PPARGC1B: variants seen among roughly 807,000 people sequenced by gnomAD.
The protein encoded by PPARGC1B is peroxisome proliferator-activated receptor gamma coactivator 1-beta.
In PPARGC1B, 34 loss-of-function variants were observed where a neutral mutation model predicts 101.6. The ratio of observed to expected loss-of-function variants is 0.33; its 90% CI spans 0.25 to 0.45. The LOEUF (loss-of-function observed/expected upper bound fraction) is 0.45, where lower values mean the gene tolerates loss of function less well. Ranked by LOEUF, PPARGC1B falls within the 20% of genes least tolerant of loss-of-function variation. The pLI, the probability that PPARGC1B is intolerant of heterozygous loss-of-function variation, is 1.00. For missense variants in PPARGC1B, 1,234 were observed against 1,317.6 expected (o/e 0.94, Z 0.98); for synonymous variants, 548 against 539.3 (o/e 1.02, Z -0.22).
chr5:149,826,287 C>T (rs990293043), intron 2 of PPARGC1B, among the ~76,000 whole-genome samples: 21 of 152,146 alleles, frequency 1.4e-4, no homozygotes, highest in African/African-American at 4.1e-4. Flanking sequence ...GGGGCTGTAA[C>T]GGGTTGCTGC....
intron 1 of PPARGC1B, among the ~76,000 whole-genome samples, chr5:149,818,524 T>A (rs1485088297): frequency 1.3e-5 from 2 of 152,156 alleles, no homozygotes; most frequent in African/African-American, 4.8e-5. Flanking sequence ...TCTTGCAAAA[T>A]GCCAATTAAG....
Position 149,834,604 on chromosome 5 carries a change from C to T in PPARGC1B, c.1706-70C>T, listed in dbSNP as rs12652075. 54,356 of 1,473,844 alleles carry T rather than the reference C, an allele frequency of 0.037. 1,472 individuals carry two copies. The highest frequency in any genetic ancestry group is 0.14 in the East Asian group (5,972 of 43,940). 91.3% of individuals were successfully genotyped at this position (1,473,844 alleles called of 1,614,324 possible). A position where few individuals can be genotyped will look rare whatever the true frequency, so the allele number is the denominator to read the frequency against. On this transcript the variant is annotated intron_variant, in intron 5 of 11. Coordinates refer to ENST00000309241, the MANE Select transcript of PPARGC1B (RefSeq NM_133263.4). ...TGGCACCAGTGGAGGCCTAGGGTCT[C>T]CTCCAGAGGGGAAACATCTGCTAGT... is the stretch of plus-strand genomic sequence containing the variant.
chr5:149,777,550 C>T (rs1966484), intron 1 of PPARGC1B, among the ~76,000 whole-genome samples: 36,039 of 151,956 alleles, frequency 0.24, 4,724 homozygotes, highest in Middle Eastern at 0.39. Flanking sequence ...CACCCTCCCA[C>T]GCAGGCAGGG....
chr5:149,818,296 C>G (rs1344817103), intron 1 of PPARGC1B, among the ~76,000 whole-genome samples: 2 of 152,116 alleles, frequency 1.3e-5, no homozygotes, highest in Admixed American at 1.3e-4. Flanking sequence ...TCATCCTTCC[C>G]CACCCACCAT....
intron 1 of PPARGC1B, among the ~76,000 whole-genome samples, chr5:149,806,433 G>A (rs1471489836): frequency 6.6e-6 from 1 of 152,140 alleles, no homozygotes; most frequent in African/African-American, 2.4e-5. Flanking sequence ...ATTTATAACA[G>A]TGTTTACAAG....
chr5:149,765,564 C>T (rs1481149310), intron 1 of PPARGC1B, among the ~76,000 whole-genome samples: 1 of 152,168 alleles, frequency 6.6e-6, no homozygotes, highest in Non-Finnish European at 1.5e-5. Flanking sequence ...GATTATGTCA[C>T]TCCACCCCTC....
chr5:149,740,238 T>C (rs1347422324), intron 1 of PPARGC1B: 1 of 152,230 alleles, frequency 6.6e-6, no homozygotes, highest in African/African-American at 2.4e-5. Flanking sequence ...GAGAATTTCT[T>C]TTGGCCTTCT....
At chr5:149,763,088 C>G (rs531753335) in intron 1 of PPARGC1B, among the ~76,000 whole-genome samples, 1 of 152,292 alleles carries the variant, frequency 6.6e-6, no homozygotes, top group African/African-American at 2.4e-5. Context: ...CCTGGCTCAC[C>G]AAGGCCCTTG....
chr5:149,834,827 T>C, intron 6 of PPARGC1B, 117 bp downstream of exon 6: 2 of 876,628 alleles, frequency 2.3e-6, no homozygotes, highest in Non-Finnish European at 3.7e-6. Flanking sequence ...CCCCACACCC[T>C]GTGCCCTGAT....
At chr5:149,771,099 G>A (rs1476704770) in intron 1 of PPARGC1B, among the ~76,000 whole-genome samples, 1 of 152,208 alleles carries the variant, frequency 6.6e-6, no homozygotes, top group East Asian at 1.9e-4. Flanking sequence ...TTTGTTGAGA[G>A]CAGGGTGAGC....
chr5:149,830,769 G>T lies in PPARGC1B; in HGVS notation c.468G>T (p.Leu156=). The T allele has an allele frequency of 6.2e-7, 1 of 1,612,718 alleles. No homozygotes were observed. ...PAPEVDELSL[L]QKLLLATSYP... ...TGTCCTCTCTGCTTTTCCCTCAGCT[G>T]CAGAAGCTCCTCCTGGCCACATCCT... is the stretch of plus-strand genomic sequence containing the variant. The change falls in exon 4 of 12, where the codon CTG becomes CTT. Residue 156 remains leucine, a splice_region_variant and synonymous_variant. Coordinates refer to ENST00000309241, the MANE Select transcript of PPARGC1B (RefSeq NM_133263.4).
intron 1 of PPARGC1B, among the ~76,000 whole-genome samples, chr5:149,740,320 A>G (rs183446661): frequency 1.2e-3 from 190 of 152,328 alleles, no homozygotes; most frequent in African/African-American, 4.4e-3. Flanking sequence ...AGTTGAGGCA[A>G]TGTCTGTAAA....
At chr5:149,743,559 T>C (rs1754984396) in intron 1 of PPARGC1B, among the ~76,000 whole-genome samples, 1 of 152,202 alleles carries the variant, frequency 6.6e-6, no homozygotes, top group South Asian at 2.1e-4. Flanking sequence ...TGGCACACTG[T>C]AGGCCCCCAA....
intron 11 of PPARGC1B, chr5:149,846,353 G>C (rs1430912345): frequency 8.0e-6 from 2 of 248,614 alleles, no homozygotes; most frequent in Non-Finnish European, 1.5e-5. Flanking sequence ...GAATTACTTG[G>C]CCAGGCTCAG....
intron 8 of PPARGC1B, among the ~76,000 whole-genome samples, chr5:149,839,738 A>G (rs1759256255): frequency 6.6e-6 from 1 of 152,184 alleles, no homozygotes; most frequent in South Asian, 2.1e-4. Context: ...GGGCTTTTCT[A>G]CCCCTAATGG....
chr5:149,754,886 A>G (rs1424407875), intron 1 of PPARGC1B, among the ~76,000 whole-genome samples: 3 of 143,282 alleles, frequency 2.1e-5, no homozygotes, highest in Non-Finnish European at 4.5e-5. Flanking sequence ...GGTTCAAGCA[A>G]CTCTCCTACC....
intron 2 of PPARGC1B, among the ~76,000 whole-genome samples, chr5:149,824,898 C>T (rs62382344): frequency 0.25 from 38,244 of 152,242 alleles, 5,315 homozygotes; most frequent in Non-Finnish European, 0.31. Flanking sequence ...GTTCTCTCCC[C>T]GTGTTCCCCC....
intron 7 of PPARGC1B, among the ~76,000 whole-genome samples, chr5:149,835,869 CAGTT>C (rs2113413974): frequency 1.3e-5 from 2 of 152,084 alleles, no homozygotes; most frequent in East Asian, 3.9e-4. Context: ...GTGCAGTGAT[CAGTT>C]AGTGATGTCT....
chr5:149,795,115 G>T (rs1757162225), intron 1 of PPARGC1B, among the ~76,000 whole-genome samples: 1 of 152,232 alleles, frequency 6.6e-6, no homozygotes, highest in Admixed American at 6.5e-5. Context: ...CTTTCACTCT[G>T]CTGTTCTATA....
Sources: gnomAD v4.1 joint callset for allele counts (sites outside exome capture counted in the v4.1 genomes callset) on GRCh38, gnomAD v4.1.1 for gene constraint, MANE v1.5 for transcripts, NCBI Gene and HGNC (gene_info 2026-07-23, HGNC 2026-07-21) for gene names.